Variants in ORC3 observed in about 807,000 individuals in gnomAD.
ORC3 encodes origin recognition complex subunit 3, also known as homolog of latheo, Drosophila.
A neutral mutation model predicts 100.7 loss-of-function variants in ORC3; 78 were observed. That is an observed-to-expected ratio of 0.77 (90% confidence interval 0.65 to 0.94). The LOEUF (loss-of-function observed/expected upper bound fraction) is 0.94, where lower values mean the gene tolerates loss of function less well. Among genes scored for constraint, ORC3 ranks in the 40% least tolerant of loss-of-function variants. The pLI is 0.00. For missense variants in ORC3, 789 were observed against 823.9 expected (o/e 0.96, Z 0.52); for synonymous variants, 295 against 289.3 (o/e 1.02, Z -0.20).
chr6:87,638,932 C>T (rs1339660440), intron 13 of ORC3, among the ~76,000 whole-genome samples: 1 of 151,754 alleles, frequency 6.6e-6, no homozygotes, highest in Non-Finnish European at 1.5e-5. Flanking sequence ...CAAGCAACTA[C>T]AGATTGATTG....
chr6:87,659,529 AC>A (rs1770017853), intron 16 of ORC3, among the ~76,000 whole-genome samples: 1 of 152,086 alleles, frequency 6.6e-6, no homozygotes, highest in Non-Finnish European at 1.5e-5. Context: ...TAATGTGGGG[AC>A]AGAGTCATTG....
At chr6:87,669,071 C>T (rs1343103271), downstream of ORC3, among the ~76,000 whole-genome samples, 4 of 152,210 alleles carry the variant, frequency 2.6e-5, no homozygotes, top group Admixed American at 1.3e-4. Flanking sequence ...GCAGGAGAAT[C>T]GCTTAAACCC....
At chr6:87,659,507 A>G (rs977401929) in intron 16 of ORC3, among the ~76,000 whole-genome samples, 1 of 152,162 alleles carries the variant, frequency 6.6e-6, no homozygotes, top group African/African-American at 2.4e-5. Context: ...TGAAAAGCTT[A>G]GTTTTCCAGA....
intron 2 of ORC3, among the ~76,000 whole-genome samples, chr6:87,596,685 ACT>A (rs1283935928): frequency 6.6e-6 from 1 of 152,112 alleles, no homozygotes; most frequent in East Asian, 1.9e-4. Context: ...AAAAAAAGAT[ACT>A]GTCTTCACTT....
At chr6:87,618,416 C>CAAA (rs10687033) in intron 9 of ORC3, among the ~76,000 whole-genome samples, 10,108 of 140,404 alleles carry the variant, frequency 0.072, 440 homozygotes, top group African/African-American at 0.12. Context: ...GGCTCCATCT[C>CAAA]AAAAAAAAAA....
chr6:87,667,796 GCA>G, downstream of ORC3, among the ~76,000 whole-genome samples: 1 of 152,140 alleles, frequency 6.6e-6, no homozygotes, highest in East Asian at 1.9e-4. Flanking sequence ...AGGTGTGGTG[GCA>G]CATGCCTGTA....
Position 87,602,914 on chromosome 6 carries a change from A to ATATATATTATATATAT in ORC3, c.178-463_178-462insTATATATATTATATAT, listed in dbSNP as rs56203841. Among the ~76,000 whole-genome samples, 163 of 71,950 alleles carry ATATATATTATATATAT rather than the reference A, an allele frequency of 2.3e-3. 4 individuals are homozygous for ATATATATTATATATAT. Among genetic ancestry groups the ATATATATTATATATAT allele is most frequent in the Middle Eastern group, 0.014 (2 of 142 alleles). The allele number at this position is 71,950 out of a possible 152,430, so 47.2% of individuals were successfully genotyped here. A position where few individuals can be genotyped will look rare whatever the true frequency, so the allele number is the denominator to read the frequency against. On this transcript the variant is annotated intron_variant, in intron 3 of 19. Coordinates refer to ENST00000392844, the MANE Select transcript of ORC3 (RefSeq NM_012381.4). ...ATATATCATATATATATTATATATT[A>ATATATATTATATATAT]TATATATATATACACGTTTATATAT...
chr6:87,652,099 C>T (rs1015421596), intron 13 of ORC3, among the ~76,000 whole-genome samples: 5 of 152,034 alleles, frequency 3.3e-5, no homozygotes, highest in African/African-American at 1.2e-4. Context: ...GAGGTTTCAC[C>T]GTGGTAGCCA....
rs541102321 is a variant in ORC3 at position 87,656,900 on chromosome 6, A to G, written c.1517-6A>G. ...TTGATGTCTACTGGTTTTGTATTAAAAGCAGAAACCAAAGAGGAAGAAGAT... is the reference window on the plus strand; with the variant it reads ...TTGATGTCTACTGGTTTTGTATTAAGAGCAGAAACCAAAGAGGAAGAAGAT... On this transcript the variant is annotated splice_polypyrimidine_tract_variant and splice_region_variant and intron_variant, in intron 14 of 19. Coordinates refer to ENST00000392844, the MANE Select transcript of ORC3 (RefSeq NM_012381.4). 2 of 1,607,484 alleles carry G rather than the reference A, an allele frequency of 1.2e-6. No individual in the cohort carries two copies. The highest frequency in any genetic ancestry group is 1.7e-6 in the Non-Finnish European group (2 of 1,175,292).
chr6:87,620,113 G>T (rs1779431372), intron 9 of ORC3, among the ~76,000 whole-genome samples: 1 of 152,172 alleles, frequency 6.6e-6, no homozygotes, highest in African/African-American at 2.4e-5. Context: ...ATAGTTAAGT[G>T]ATAATGGGTT....
In ORC3 at chr6:87,612,873, G is replaced by T. The variant is rs28381495; in HGVS notation, c.873+625G>T. Among the ~76,000 whole-genome samples, 378 of 152,242 alleles carry T rather than the reference G, an allele frequency of 2.5e-3. 1 individual carries two copies. Among genetic ancestry groups the T allele is most frequent in the African/African-American group, 8.8e-3 (366 of 41,544 alleles). ...TCTACCTGCCTTGGCCTCCCAAAGT[G>T]CTGGGATTACAGGCATGAGCCGCCA... On this transcript the variant is annotated intron_variant, in intron 8 of 19. Transcript: ENST00000392844.
intron 6 of ORC3, among the ~76,000 whole-genome samples, 178 bp from the exon 7 acceptor site, chr6:87,608,918 T>C (rs544371386): frequency 6.6e-6 from 1 of 152,266 alleles, no homozygotes; most frequent in East Asian, 1.9e-4. Context: ...TGGTTATTAT[T>C]CCCATGTCAG....
At chr6:87,644,449 A>T (rs1768581968) in intron 13 of ORC3, among the ~76,000 whole-genome samples, 1 of 151,880 alleles carries the variant, frequency 6.6e-6, no homozygotes, top group African/African-American at 2.4e-5. Context: ...GCTCATGCCT[A>T]TAATCCCAGC....
At chr6:87,590,613 G>A (rs769316564) in intron 1 of ORC3, among the ~76,000 whole-genome samples, 1 of 152,210 alleles carries the variant, frequency 6.6e-6, no homozygotes, top group Non-Finnish European at 1.5e-5. Context: ...GCAAGGAAAA[G>A]AGTTCTAGGC....
chr6:87,620,929 C>G (rs1236700961), intron 9 of ORC3, among the ~76,000 whole-genome samples: 1 of 152,108 alleles, frequency 6.6e-6, no homozygotes, highest in Non-Finnish European at 1.5e-5. Flanking sequence ...GGCACAGCTC[C>G]TACCATTGCA....
At chr6:87,675,605 C>T in the ORC3 span, 1 of 1,614,026 alleles carries the variant, frequency 6.2e-7, no homozygotes, top group Non-Finnish European at 8.5e-7. Flanking sequence ...ATTCATGAAA[C>T]ATCTAAAGGG....
chr6:87,640,556 TA>T (rs1768169016), intron 13 of ORC3, among the ~76,000 whole-genome samples: 1 of 152,188 alleles, frequency 6.6e-6, no homozygotes, highest in Non-Finnish European at 1.5e-5. Flanking sequence ...TGTCATTATA[TA>T]AGGATATGTT....
At chr6:87,600,388 A>AT (rs1777805402) in intron 2 of ORC3, among the ~76,000 whole-genome samples, 1 of 152,188 alleles carries the variant, frequency 6.6e-6, no homozygotes, top group Non-Finnish European at 1.5e-5. Flanking sequence ...TAAAGATGGG[A>AT]TTTTTCCCCA....
At chr6:87,616,674 AGGGGC>A (rs1779175645) in intron 9 of ORC3, among the ~76,000 whole-genome samples, 1 of 152,170 alleles carries the variant, frequency 6.6e-6, no homozygotes, top group Non-Finnish European at 1.5e-5. Context: ...TTTTGGGGGT[AGGGGC>A]AAGCAGACTT....
Sources: allele counts gnomAD v4.1 joint callset (sites outside exome capture counted in the v4.1 genomes callset), GRCh38; gene constraint gnomAD v4.1.1; transcripts MANE v1.5; gene names NCBI Gene and HGNC (gene_info 2026-07-23, HGNC 2026-07-21).